Variants in ARHGEF28 observed in about 807,000 individuals in gnomAD.
ARHGEF28 encodes Rho guanine nucleotide exchange factor 28.
A neutral mutation model predicts 206.6 loss-of-function variants in ARHGEF28; 152 were observed. That is an observed-to-expected ratio of 0.74 (90% CI 0.64 to 0.84). The LOEUF is 0.84. ARHGEF28 is among the 40% of genes least tolerant of loss of function. The pLI, the probability that ARHGEF28 is intolerant of heterozygous loss-of-function variation, is 0.00. For synonymous variants in ARHGEF28, 763 were observed against 776.4 expected, an observed-to-expected ratio of 0.98 and a Z score of 0.29; for missense variants, 2,028 against 2,073.2, an observed-to-expected ratio of 0.98 and a Z score of 0.42.
intron 2 of ARHGEF28, among the ~76,000 whole-genome samples, chr5:73,737,797 G>A (rs1222521126): frequency 5.9e-5 from 9 of 152,088 alleles, no homozygotes; most frequent in Admixed American, 3.3e-4. Flanking sequence ...GATTACAGGC[G>A]TGAGCCACCA....
At chr5:73,813,511 T>G (rs1271847473) in intron 9 of ARHGEF28, 10 of 1,524,672 alleles carry the variant, frequency 6.6e-6, no homozygotes, top group South Asian at 1.2e-5. Flanking sequence ...ATGGGGAGGC[T>G]TGCCTCCTGG....
intron 24 of ARHGEF28, 113 bp downstream of exon 24, chr5:73,883,997 C>T (rs1001904641): frequency 2.3e-5 from 12 of 516,136 alleles, no homozygotes; most frequent in Admixed American, 1.3e-4. Flanking sequence ...AAGAGTTTCA[C>T]GACGGAGAAA....
intron 33 of ARHGEF28, 166 bp from the exon 34 acceptor site, chr5:73,909,246 A>C: frequency 1.0e-6 from 1 of 975,724 alleles, no homozygotes; most frequent in Non-Finnish European, 1.5e-6. Flanking sequence ...ACCTCTCTGG[A>C]ACGCCAAAAA....
chr5:73,851,245 C>G (rs1758680630), intron 13 of ARHGEF28, among the ~76,000 whole-genome samples: 1 of 152,140 alleles, frequency 6.6e-6, no homozygotes, highest in Non-Finnish European at 1.5e-5. Flanking sequence ...TCTATTTGAA[C>G]AGAGTCCAAG....
rs1305554771 is a variant in ARHGEF28 at position 73,852,708 on chromosome 5, C to A, written c.1790+16C>A. ...GAGAAAACAGGTACTTTTAACTATT[C>A]CAATTTTCCTGAGGAACTGCATGAT... On this transcript the variant is annotated intron_variant, in intron 14 of 35. Coordinates refer to ENST00000513042, the MANE Select transcript of ARHGEF28 (RefSeq NM_001177693.2). 8 of 1,612,598 alleles carry A rather than the reference C, an allele frequency of 5.0e-6. No homozygotes were observed. The East Asian group carries it at 1.8e-4, about 36-fold the overall frequency.
At chr5:73,790,034 G>GT (rs1754379918) in intron 7 of ARHGEF28, among the ~76,000 whole-genome samples, 3 of 152,314 alleles carry the variant, frequency 2.0e-5, no homozygotes, top group Admixed American at 1.3e-4. Context: ...AGTTTTCACA[G>GT]TAAGAGTAGG....
At chr5:73,932,866 T>C (rs1248937572) in intron 35 of ARHGEF28, among the ~76,000 whole-genome samples, 2 of 131,524 alleles carry the variant, frequency 1.5e-5, no homozygotes, top group Non-Finnish European at 1.5e-5. Flanking sequence ...TGGAGTGCAG[T>C]GGCGCGATCT....
Position 73,873,041 on chromosome 5 carries a change from T to A in ARHGEF28, c.2609T>A (p.Ile870Asn). ...ATGCATCACATCCAGACCCTGTTCA[T>A]CATGTCTGAGATCTTCAGGAAAGGC... Reference protein sequence around the residue: ...TEMHHIQTLFIMSEIFRKGMK... With the variant: ...TEMHHIQTLFNMSEIFRKGMK... The change falls in exon 22 of 36, where the codon ATC (isoleucine) becomes AAC (asparagine). Residue 870 changes from isoleucine (I) to asparagine (N), a missense_variant. Physicochemically the swap from Ile to Asn is moderately radical, Grantham distance 149. Transcript: ENST00000513042. 1.2e-6 allele frequency: 2 copies of A among 1,613,802 alleles called. No individual in the cohort carries two copies. Among genetic ancestry groups the A allele is most frequent in the African/African-American group, 2.7e-5 (2 of 75,058 alleles).
At chr5:73,720,124 G>A (rs1561355860) in intron 2 of ARHGEF28, among the ~76,000 whole-genome samples, 1 of 152,202 alleles carries the variant, frequency 6.6e-6, no homozygotes, top group Admixed American at 6.5e-5. Flanking sequence ...TTTGAGTATG[G>A]CAATTTTCCT....
intron 26 of ARHGEF28, 50 bp from the exon 27 acceptor site, chr5:73,892,002 T>G: frequency 6.6e-7 from 1 of 1,526,378 alleles, no homozygotes; most frequent in Non-Finnish European, 8.9e-7. Flanking sequence ...TACGGAGCCT[T>G]ACTTTAGCTA....
chr5:73,774,453 T>C (rs1483700640), intron 5 of ARHGEF28, among the ~76,000 whole-genome samples: 1 of 152,226 alleles, frequency 6.6e-6, no homozygotes, highest in African/African-American at 2.4e-5. Context: ...TCATTTGAGG[T>C]CTGGGACTAT....
chr5:73,665,036 AT>A (rs1420776427), intron 1 of ARHGEF28, among the ~76,000 whole-genome samples: 1 of 152,056 alleles, frequency 6.6e-6, no homozygotes, highest in East Asian at 1.9e-4. Flanking sequence ...TATCTCTTGA[AT>A]TTATCTTTCC....
At chr5:73,763,556 A>C (rs1391306450) in intron 4 of ARHGEF28, among the ~76,000 whole-genome samples, 1 of 152,114 alleles carries the variant, frequency 6.6e-6, no homozygotes, top group Admixed American at 6.5e-5. Context: ...ATGTATTTTC[A>C]TTTGTCTCCC....
intron 2 of ARHGEF28, among the ~76,000 whole-genome samples, chr5:73,749,135 C>T (rs1751895419): frequency 6.6e-6 from 1 of 152,140 alleles, no homozygotes; most frequent in African/African-American, 2.4e-5. Flanking sequence ...GGAAAGAGCA[C>T]TTGGAAACCC....
intron 4 of ARHGEF28, among the ~76,000 whole-genome samples, chr5:73,771,511 G>A (rs1054343345): frequency 2.0e-5 from 3 of 151,122 alleles, no homozygotes; most frequent in Non-Finnish European, 2.9e-5. Flanking sequence ...TTGCACCACC[G>A]CACTCCAGCC....
intron 6 of ARHGEF28, among the ~76,000 whole-genome samples, chr5:73,777,412 C>T (rs1301364750): frequency 6.6e-6 from 1 of 152,134 alleles, no homozygotes; most frequent in Non-Finnish European, 1.5e-5. Context: ...CCTATGGCCT[C>T]CTGTGTTCTC....
chr5:73,888,378 A>G (rs773944204), intron 26 of ARHGEF28, among the ~76,000 whole-genome samples: 14 of 152,240 alleles, frequency 9.2e-5, no homozygotes, highest in Non-Finnish European at 1.8e-4. Context: ...TTTGAACTGT[A>G]TTACAAATTT....
intron 30 of ARHGEF28, 137 bp downstream of exon 30, chr5:73,898,230 G>A: frequency 1.3e-5 from 14 of 1,045,180 alleles, no homozygotes; most frequent in Non-Finnish European, 1.9e-5. Flanking sequence ...AAAAAACTGA[G>A]AATAAATATG....
At chr5:73,741,381 GTGTGTATATATATATATATATATA>G (rs1337596315) in intron 2 of ARHGEF28, among the ~76,000 whole-genome samples, 166 of 26,560 alleles carry the variant, frequency 6.3e-3, no homozygotes, top group East Asian at 0.021. Flanking sequence ...GTGTGTGTGT[GTGTGTATATATATATATATATATA>G]TATATATATA....
Sources: gnomAD v4.1 joint callset for allele counts (sites outside exome capture counted in the v4.1 genomes callset) on GRCh38, gnomAD v4.1.1 for gene constraint, MANE v1.5 for transcripts, NCBI Gene and HGNC (gene_info 2026-07-23, HGNC 2026-07-21) for gene names.